THSD7A: variants seen among roughly 807,000 people sequenced by gnomAD.
THSD7A encodes the protein thrombospondin type 1 domain containing 7A.
THSD7A carries 96 observed loss-of-function variants against 231.3 expected under a neutral mutation model. The observed-to-expected ratio is 0.41, with a 90% CI of 0.35 to 0.49. The LOEUF (loss-of-function observed/expected upper bound fraction) is 0.49. Ranked by LOEUF, THSD7A falls within the 20% of genes least tolerant of loss-of-function variation. The pLI is 0.05. For synonymous variants in THSD7A, 940 were observed against 743.3 expected (o/e 1.26, Z -4.30); for missense variants, 2,290 against 2,070.2 (o/e 1.11, Z -2.06).
At chr7:11,769,024 C>G (rs780530010) in intron 1 of THSD7A, among the ~76,000 whole-genome samples, 1 of 146,860 alleles carries the variant, frequency 6.8e-6, no homozygotes, top group Non-Finnish European at 1.5e-5. Context: ...ATGGTGCGAT[C>G]TCGGCTCACT....
chr7:11,590,579 T>A lies in THSD7A; in HGVS notation c.1334A>T (p.Asp445Val). The change falls in exon 4 of 28, where the codon GAC becomes GTC. Residue 445 changes from aspartate to valine, a missense_variant. Transcript: ENST00000423059. The surrounding 1 kb of genome is among the most constrained non-coding windows in gnomAD (Gnocchi z 4.4). ...GGCCGTCTGGTTGCCGCGCCTCTTG[T>A]CCTGCTGACTGAGCAAAGGGTCCAC... ...CRVDPLLSQQ[D>V]KRRGNQTALC... 4 of 1,613,826 alleles carry A rather than the reference T, an allele frequency of 2.5e-6. No homozygotes were observed. Among genetic ancestry groups the A allele is most frequent in the Non-Finnish European group, 3.4e-6 (4 of 1,179,782 alleles).
intron 1 of THSD7A, among the ~76,000 whole-genome samples, chr7:11,826,513 C>A (rs1785031473): frequency 6.6e-6 from 1 of 152,054 alleles, no homozygotes; most frequent in South Asian, 2.1e-4. Flanking sequence ...ATTATAGAAA[C>A]AATCTCATAT....
At chr7:11,532,253 C>T (rs1788738924) in intron 6 of THSD7A, among the ~76,000 whole-genome samples, 1 of 151,978 alleles carries the variant, frequency 6.6e-6, no homozygotes, top group Non-Finnish European at 1.5e-5. Flanking sequence ...CAGGCAAAGC[C>T]AACACAGAAA....
intron 4 of THSD7A, among the ~76,000 whole-genome samples, chr7:11,581,752 C>A (rs1343476264): frequency 6.6e-6 from 1 of 151,902 alleles, no homozygotes; most frequent in Non-Finnish European, 1.5e-5. Context: ...TTTAATTGAT[C>A]CAACCTCTTA....
At chr7:11,544,700 A>G (rs1199765736) in intron 4 of THSD7A, among the ~76,000 whole-genome samples, 1 of 152,204 alleles carries the variant, frequency 6.6e-6, no homozygotes, top group Non-Finnish European at 1.5e-5. Flanking sequence ...AGCCTATGAC[A>G]TTGATTCCTC....
chr7:11,446,024 G>GA lies in THSD7A; in HGVS notation c.3064+36dup. On this transcript the variant is annotated intron_variant, in intron 13 of 27. Transcript: ENST00000423059. The surrounding 1 kb of genome is among the most constrained non-coding windows in gnomAD (Gnocchi z 4.0). ...GTGTGCATTTTCCCTCCACACTCCC[G>GA]AAGATAGCAAATATGTAACAATGAA... 1 of 1,610,782 alleles carries GA rather than the reference G, an allele frequency of 6.2e-7. No individual in the cohort carries two copies. The highest frequency in any genetic ancestry group is 8.5e-7 in the Non-Finnish European group (1 of 1,177,786).
In THSD7A at chr7:11,590,358, G is replaced by A; in HGVS notation, c.1453+102C>T. ...TACCAACCACAATGTGAACAGAAAT[G>A]CAGCCCTCATAACCTGGATGGCTGT... On this transcript the variant is annotated intron_variant, in intron 4 of 27. Transcript: ENST00000423059. The surrounding 1 kb of genome is among the most constrained non-coding windows in gnomAD (Gnocchi z 4.4). 1 of 1,188,342 alleles carries A rather than the reference G, an allele frequency of 8.4e-7. No homozygotes were observed. Among genetic ancestry groups the A allele is most frequent in the Non-Finnish European group, 1.2e-6 (1 of 859,158 alleles). The allele number at this position is 1,188,342 out of a possible 1,614,324, so 73.6% of individuals were successfully genotyped here.
chr7:11,611,843 T>TATC (rs1780941468), intron 2 of THSD7A, among the ~76,000 whole-genome samples: 1 of 98,750 alleles, frequency 1.0e-5, no homozygotes, highest in Non-Finnish European at 2.1e-5. Flanking sequence ...ATCATCTGTC[T>TATC]ATCTATCTAT....
chr7:11,784,695 A>C (rs1317528781), intron 1 of THSD7A, among the ~76,000 whole-genome samples: 1 of 152,096 alleles, frequency 6.6e-6, no homozygotes, highest in Non-Finnish European at 1.5e-5. Flanking sequence ...TACTTATTCT[A>C]CAGCTTGGAG....
chr7:11,476,530 GA>G (rs1191411799), intron 7 of THSD7A, among the ~76,000 whole-genome samples: 5 of 152,086 alleles, frequency 3.3e-5, no homozygotes, highest in African/African-American at 1.2e-4. Flanking sequence ...AGATTGTGTA[GA>G]AAGCACCAGG....
intron 1 of THSD7A, among the ~76,000 whole-genome samples, chr7:11,804,482 A>T (rs941361662): frequency 6.6e-6 from 1 of 152,196 alleles, no homozygotes; most frequent in Non-Finnish European, 1.5e-5. Context: ...ACGTTAAAAA[A>T]TAACCTAAAT....
rs1481538372 is a variant in THSD7A, at chr7:11,637,266, T to A, written c.191-305A>T. Among the ~76,000 whole-genome samples, 2 of 152,170 alleles carry A rather than the reference T, an allele frequency of 1.3e-5. No individual in the cohort carries two copies. Among genetic ancestry groups the A allele is most frequent in the East Asian group, 3.9e-4 (2 of 5,188 alleles). ...TTAGGTAGTTAGAAATCCTTGCTGA[T>A]AAAGGACATCAGAAATTAGTCACAG... is the stretch of plus-strand genomic sequence containing the variant. On this transcript the variant is annotated intron_variant, in intron 1 of 27. Transcript: ENST00000423059. The surrounding 1 kb of genome is among the most constrained non-coding windows in gnomAD (Gnocchi z 4.2).
At chr7:11,403,240 T>G (rs569687836) in intron 22 of THSD7A, among the ~76,000 whole-genome samples, 1 of 152,326 alleles carries the variant, frequency 6.6e-6, no homozygotes, top group South Asian at 2.1e-4. Flanking sequence ...AGCAGAAAGT[T>G]GCCTGGAGAT....
chr7:11,510,665 G>C (rs1006813042), intron 6 of THSD7A, among the ~76,000 whole-genome samples: 3 of 152,054 alleles, frequency 2.0e-5, no homozygotes, highest in African/African-American at 7.2e-5. Flanking sequence ...AGGAACTAAA[G>C]ACAAAAACCA....
intron 7 of THSD7A, among the ~76,000 whole-genome samples, chr7:11,480,763 T>C (rs1261235815): frequency 6.6e-6 from 1 of 152,074 alleles, no homozygotes; most frequent in Non-Finnish European, 1.5e-5. Context: ...GATAGCAAAT[T>C]TGACTAGGAA....
intron 3 of THSD7A, among the ~76,000 whole-genome samples, chr7:11,591,249 A>G (rs1489139055): frequency 6.6e-6 from 1 of 151,870 alleles, no homozygotes; most frequent in African/African-American, 2.4e-5. Flanking sequence ...GAGCACAGGA[A>G]AGAAGATCTA....
At chr7:11,620,508 C>A (rs2128353032) in intron 2 of THSD7A, among the ~76,000 whole-genome samples, 1 of 152,088 alleles carries the variant, frequency 6.6e-6, no homozygotes. Context: ...ATAGAGAAGA[C>A]CAATGCAGAA....
intron 4 of THSD7A, among the ~76,000 whole-genome samples, chr7:11,571,978 A>G (rs1350468932): frequency 6.7e-6 from 1 of 150,318 alleles, no homozygotes; most frequent in East Asian, 2.0e-4. Context: ...TTTGGCCATT[A>G]TTTCTTCAAA....
chr7:11,487,006 G>T (rs373143526), intron 6 of THSD7A, among the ~76,000 whole-genome samples: 21 of 152,246 alleles, frequency 1.4e-4, no homozygotes, highest in African/African-American at 4.6e-4. Context: ...AACTCAAAAT[G>T]AGATTTAAAT....
Sources: allele counts gnomAD v4.1 joint callset (sites outside exome capture counted in the v4.1 genomes callset), GRCh38; gene constraint gnomAD v4.1.1; non-coding constraint Gnocchi (gnomAD v3.1); transcripts MANE v1.5; gene names NCBI Gene and HGNC (gene_info 2026-07-23, HGNC 2026-07-21).